The following ARHGAP44 variants were observed in gnomAD, a reference collection of about 807,000 sequenced individuals.
ARHGAP44 encodes Rho GTPase activating protein 44, also known as rho GTPase-activating protein 44.
In ARHGAP44, 43 loss-of-function variants were observed where a neutral mutation model predicts 106.8. That is an observed-to-expected ratio of 0.40 (90% CI 0.32 to 0.52). The LOEUF (loss-of-function observed/expected upper bound fraction) is 0.52, where lower values mean the gene tolerates loss of function less well. ARHGAP44 is among the 20% of genes least tolerant of loss of function. ARHGAP44 has a pLI of 0.48. For missense variants in ARHGAP44, 866 were observed against 1,050.5 expected (o/e 0.82, Z 2.43); for synonymous variants, 439 against 410.3 (o/e 1.07, Z -0.85).
At chr17:12,941,478 T>G (rs959020060) in intron 8 of ARHGAP44, among the ~76,000 whole-genome samples, 55 of 152,186 alleles carry the variant, frequency 3.6e-4, no homozygotes, top group African/African-American at 1.3e-3. Flanking sequence ...CAGAGATGCT[T>G]GTAAATATCC....
chr17:12,929,566 A>G (rs981216523), intron 7 of ARHGAP44, among the ~76,000 whole-genome samples: 1 of 152,218 alleles, frequency 6.6e-6, no homozygotes, highest in East Asian at 1.9e-4. Context: ...GAGAGAGGAC[A>G]TCGTTCTGAA....
chr17:12,990,056 C>G lies in ARHGAP44; in HGVS notation c.2342C>G (p.Ser781Trp). 2 of 1,608,584 alleles carry G rather than the reference C, an allele frequency of 1.2e-6. No homozygotes were observed. The highest frequency in any genetic ancestry group is 1.1e-5 in the South Asian group (1 of 90,984). The part of the protein sequence containing the change: ...STDLVHFDIP[S>W]IHIELGSTLR... The stretch of plus-strand genomic sequence containing the variant: ...GATCTTGTCCACTTTGATATTCCCT[C>G]GATCCACATAGAGCTCGGGTCGACG... Residue 781 changes from serine to tryptophan, a missense_variant, in exon 21 of 21, where the codon TCG becomes TGG. By Grantham distance (177) the Ser-to-Trp change is radical (BLOSUM62 -3). Transcript: ENST00000379672.
At chr17:12,857,765 GTTATTTATTTAT>G (rs56164347) in intron 1 of ARHGAP44, among the ~76,000 whole-genome samples, 1,496 of 145,540 alleles carry the variant, frequency 0.01, 11 homozygotes, top group African/African-American at 0.019. Flanking sequence ...GGTTGCCCAT[GTTATTTATTTAT>G]TTATTTATTT....
intron 7 of ARHGAP44, 110 bp from the exon 8 acceptor site, chr17:12,940,946 G>A: frequency 2.4e-6 from 2 of 820,728 alleles, no homozygotes; most frequent in African/African-American, 1.7e-5. Context: ...GTATTAAAAA[G>A]GAGATTAAGC....
chr17:12,842,424 AAAAAAAAAAG>A (rs1205782253), intron 1 of ARHGAP44, among the ~76,000 whole-genome samples: 3 of 141,318 alleles, frequency 2.1e-5, no homozygotes, highest in African/African-American at 9.2e-5. Context: ...CAAAAAAAAA[AAAAAAAAAAG>A]AAAGAAAAAA....
intron 4 of ARHGAP44, among the ~76,000 whole-genome samples, chr17:12,915,381 C>T (rs1372834252): frequency 1.3e-5 from 2 of 152,220 alleles, no homozygotes; most frequent in African/African-American, 2.4e-5. Context: ...GGGAAGATGG[C>T]ATGACTTTCT....
Position 12,896,507 on chromosome 17 carries a change from G to T in ARHGAP44, c.194G>T (p.Arg65Leu). 1 of 1,597,978 alleles carries T rather than the reference G, an allele frequency of 6.3e-7. No homozygotes were observed. Residue 65 changes from arginine to leucine, a missense_variant, in exon 3 of 21, where the codon CGC (arginine) becomes CTC (leucine). This residue lies in a region of ARHGAP44 where 448 missense variants were observed against 646.9 expected (regional missense o/e 0.69). Transcript: ENST00000379672. The stretch of plus-strand genomic sequence containing the variant: ...CAGCAAGGGGCAGAGGCTGACAAGC[G>T]CTCCGTAAGTGCCCTCCCAGCCCTG... ...QGQQGAEADKRSKKLPLTTLA... is the reference protein window; with the variant it reads ...QGQQGAEADKLSKKLPLTTLA...
rs115148820 is a variant in ARHGAP44 at position 12,935,276 on chromosome 17, G to A, written c.583-5780G>A. ...CAACATGTCTTGGTGCCTCAAATAC[G>A]ATTAAAGGGCATATGGGCCGGGTGC... On this transcript the variant is annotated intron_variant, in intron 7 of 20. Coordinates refer to ENST00000379672, the MANE Select transcript of ARHGAP44 (RefSeq NM_014859.6). 4.4e-3 allele frequency among the ~76,000 whole-genome samples: 676 copies of A among 152,158 alleles called. 7 individuals are homozygous for A. Among genetic ancestry groups the A allele is most frequent in the African/African-American group, 0.015 (617 of 41,506 alleles).
chr17:12,866,751 G>A (rs2036249487), intron 1 of ARHGAP44, among the ~76,000 whole-genome samples: 1 of 152,120 alleles, frequency 6.6e-6, no homozygotes, highest in Admixed American at 6.5e-5. Context: ...AAGGTTTTTA[G>A]TCTTCTAGGA....
chr17:12,883,483 C>T (rs374630372), intron 1 of ARHGAP44, among the ~76,000 whole-genome samples: 1 of 151,770 alleles, frequency 6.6e-6, no homozygotes, highest in African/African-American at 2.4e-5. Flanking sequence ...AGCTTCTCTT[C>T]TAAGAAATTG....
intron 3 of ARHGAP44, among the ~76,000 whole-genome samples, chr17:12,901,665 T>C (rs2150928369): frequency 6.6e-6 from 1 of 152,188 alleles, no homozygotes; most frequent in South Asian, 2.1e-4. Flanking sequence ...TGGGAGCTGC[T>C]GTGATCACCT....
chr17:12,923,795 C>G (rs1041591688), intron 6 of ARHGAP44, among the ~76,000 whole-genome samples: 2 of 152,168 alleles, frequency 1.3e-5, no homozygotes, highest in Non-Finnish European at 2.9e-5. Flanking sequence ...ACACAACTTC[C>G]TGCCATTTTC....
chr17:12,790,359 C>A, intron 1 of ARHGAP44: 1 of 160,262 alleles, frequency 6.2e-6, no homozygotes, highest in Non-Finnish European at 1.4e-5. Flanking sequence ...CCTGGTCGGC[C>A]TGCCCCTCCC....
At chr17:12,808,507 A>G (rs1357842645) in intron 1 of ARHGAP44, among the ~76,000 whole-genome samples, 1 of 152,194 alleles carries the variant, frequency 6.6e-6, no homozygotes, top group East Asian at 1.9e-4. Context: ...GCTCAATACC[A>G]TGTGGAGGCT....
At chr17:12,921,641 A>G (rs904765328) in intron 6 of ARHGAP44, among the ~76,000 whole-genome samples, 71 of 152,208 alleles carry the variant, frequency 4.7e-4, no homozygotes, top group African/African-American at 1.6e-3. Flanking sequence ...AACAGAATAT[A>G]TTTGGGCAAA....
rs369264614 is a variant in ARHGAP44 at position 12,949,241 on chromosome 17, C to T, written c.963C>T (p.His321=). ...TGCAGGAGTACTCGGCAGACCCCCA[C>T]GCAATTGCAGGTGGGCACCTCTCAG... The part of the protein sequence containing the change: ...VDVQEYSADP[H]AIAGALKSYL... The change falls in exon 11 of 21, where the codon CAC becomes CAT. Residue 321 remains histidine, a synonymous_variant. Transcript: ENST00000379672. The surrounding 1 kb of genome is among the most constrained non-coding windows in gnomAD (Gnocchi z 4.1). 87 of 1,560,942 alleles carry T rather than the reference C, an allele frequency of 5.6e-5. No individual in the cohort carries two copies. The African/African-American group carries it at 9.4e-4, about 17-fold the overall frequency.
At chr17:12,897,920 A>C (rs150432491) in intron 3 of ARHGAP44, among the ~76,000 whole-genome samples, 2 of 152,100 alleles carry the variant, frequency 1.3e-5, no homozygotes, top group African/African-American at 4.8e-5. Flanking sequence ...CATTGGATTG[A>C]GAGTCTTACG....
rs763920937 is a variant in ARHGAP44 at position 12,800,773 on chromosome 17, G to A, written c.53+10882G>A. ...AGATGGGGAAATAGAGGCTAAAAGC[G>A]GCAGAGCCAGATTTGAACCAGGGCC... On this transcript the variant is annotated intron_variant, in intron 1 of 20. Transcript: ENST00000379672. Among the ~76,000 whole-genome samples the A allele has an allele frequency of 5.3e-5, 8 of 152,302 alleles. No individual in the cohort carries two copies. In the South Asian group the frequency reaches 6.2e-4, roughly 12 times the overall value.
intron 1 of ARHGAP44, among the ~76,000 whole-genome samples, chr17:12,841,635 C>A (rs55694610): frequency 0.043 from 3,814 of 87,804 alleles, 225 homozygotes; most frequent in African/African-American, 0.14. Flanking sequence ...CACACACACA[C>A]ACACAAACAA....
Sources: gnomAD v4.1 joint callset for allele counts (sites outside exome capture counted in the v4.1 genomes callset) on GRCh38, gnomAD v4.1.1 for gene constraint, gnomAD v4.1.1 regional missense constraint, Gnocchi (gnomAD v3.1) non-coding constraint, MANE v1.5 for transcripts, NCBI Gene and HGNC (gene_info 2026-07-23, HGNC 2026-07-21) for gene names.